RARB: variants seen among roughly 807,000 people sequenced by gnomAD.
RARB encodes retinoic acid receptor beta, also known as HBV-activated protein.
A neutral mutation model predicts 51.9 loss-of-function variants in RARB; 17 were observed. The ratio of observed to expected loss-of-function variants is 0.33; its 90% CI spans 0.22 to 0.49. RARB has a LOEUF of 0.49. RARB is among the 20% of genes least tolerant of loss of function. The pLI is 0.99. For missense variants in RARB, 369 were observed against 550.8 expected, an observed-to-expected ratio of 0.67 and a Z score of 3.30; for synonymous variants, 215 against 195.4, an observed-to-expected ratio of 1.10 and a Z score of -0.84.
At chr3:25,023,916 G>A (rs1188045897) in intron 2 of RARB, among the ~76,000 whole-genome samples, 2 of 152,190 alleles carry the variant, frequency 1.3e-5, no homozygotes, top group Non-Finnish European at 1.5e-5. Context: ...GAGTGTGACT[G>A]TGTGTGTATG....
At chr3:25,430,199 T>C (rs2125514766) in intron 1 of RARB, among the ~76,000 whole-genome samples, 1 of 152,290 alleles carries the variant, frequency 6.6e-6, no homozygotes, top group East Asian at 1.9e-4. Context: ...GCAAAAAGAA[T>C]ATCGTTTTCA....
At chr3:24,944,604 G>T (rs1695736012) in intron 2 of RARB, among the ~76,000 whole-genome samples, 1 of 152,166 alleles carries the variant, frequency 6.6e-6, no homozygotes, top group Non-Finnish European at 1.5e-5. Flanking sequence ...CAGTCATATA[G>T]AGTGTGGATT....
At chr3:24,911,072 C>T (rs1218712932) in intron 2 of RARB, among the ~76,000 whole-genome samples, 1 of 152,144 alleles carries the variant, frequency 6.6e-6, no homozygotes, top group Non-Finnish European at 1.5e-5. Context: ...TTTATGACAC[C>T]TCTGCTTCAT....
chr3:25,097,226 G>C (rs1033857665), intron 3 of RARB, among the ~76,000 whole-genome samples: 1 of 152,114 alleles, frequency 6.6e-6, no homozygotes, highest in African/African-American at 2.4e-5. Context: ...CGGTGCACTG[G>C]ACCGCTTCTT....
At chr3:25,406,356 C>T (rs1275956953) in intron 5 of RARB, among the ~76,000 whole-genome samples, 2 of 152,304 alleles carry the variant, frequency 1.3e-5, no homozygotes, top group Admixed American at 6.5e-5. Flanking sequence ...TAACAAAATT[C>T]CACAGACTGG....
intron 4 of RARB, among the ~76,000 whole-genome samples, chr3:25,575,605 T>C (rs1351310388): frequency 6.6e-6 from 1 of 152,160 alleles, no homozygotes; most frequent in Non-Finnish European, 1.5e-5. Flanking sequence ...TCCTCCGTCT[T>C]CTCATGGTCA....
At chr3:25,425,603 G>C (rs1007015444), upstream of RARB, among the ~76,000 whole-genome samples, 5 of 152,140 alleles carry the variant, frequency 3.3e-5, no homozygotes, top group African/African-American at 1.2e-4. Flanking sequence ...TTTCTCAGTT[G>C]AGAACTTCAA....
intron 2 of RARB, among the ~76,000 whole-genome samples, chr3:25,020,980 T>A (rs1275335279): frequency 6.6e-6 from 1 of 152,090 alleles, no homozygotes; most frequent in African/African-American, 2.4e-5. Context: ...AATAAATAAA[T>A]AAATAAATAT....
intron 5 of RARB, among the ~76,000 whole-genome samples, chr3:25,590,266 A>C (rs192666019): frequency 3.3e-5 from 5 of 152,348 alleles, no homozygotes; most frequent in Admixed American, 1.3e-4. Context: ...ATAGTTAGAA[A>C]CATTTGAGGG....
At position 25,589,161 on chromosome 3, in the gene RARB, G is replaced by T. The variant is rs145120731; in HGVS notation, c.787-4342G>T. Among the ~76,000 whole-genome samples the T allele has an allele frequency of 3.3e-3, 505 of 152,360 alleles. 7 individuals are homozygous for T. The highest frequency in any genetic ancestry group is 0.012 in the African/African-American group (482 of 41,586). On this transcript the variant is annotated intron_variant, in intron 5 of 7. Transcript: ENST00000330688. ...AGGAAGCATTTTCACTGAGGCTTTA[G>T]AGGAGGTGACATTTAAGCTGAACTC... is the stretch of plus-strand genomic sequence containing the variant.
chr3:25,392,328 C>G (rs1249564717), intron 5 of RARB, among the ~76,000 whole-genome samples: 1 of 152,078 alleles, frequency 6.6e-6, no homozygotes, highest in Non-Finnish European at 1.5e-5. Flanking sequence ...AATGTGATGC[C>G]TCCAGATTTG....
chr3:25,079,857 T>C (rs1160040251), intron 3 of RARB, among the ~76,000 whole-genome samples: 4 of 152,206 alleles, frequency 2.6e-5, no homozygotes, highest in Non-Finnish European at 5.9e-5. Context: ...TGTTTAGTTT[T>C]CTTAACAGGA....
At chr3:24,924,865 G>A (rs1348304356) in intron 2 of RARB, among the ~76,000 whole-genome samples, 1 of 152,094 alleles carries the variant, frequency 6.6e-6, no homozygotes, top group Admixed American at 6.6e-5. Context: ...GTGCTGTAAA[G>A]AGCATAGATG....
chr3:25,568,742 T>C (rs1252382799), intron 3 of RARB, among the ~76,000 whole-genome samples: 1 of 152,184 alleles, frequency 6.6e-6, no homozygotes, highest in African/African-American at 2.4e-5. Context: ...GATTCCCAGG[T>C]CACAGTGGTG....
chr3:25,296,040 A>G (rs1703907815), intron 5 of RARB, among the ~76,000 whole-genome samples: 1 of 152,244 alleles, frequency 6.6e-6, no homozygotes, highest in African/African-American at 2.4e-5. Flanking sequence ...TTAGAGACTT[A>G]GGATCTAGTT....
chr3:25,059,267 T>C (rs1243778979), intron 2 of RARB, among the ~76,000 whole-genome samples: 1 of 151,794 alleles, frequency 6.6e-6, no homozygotes, highest in Admixed American at 6.6e-5. Context: ...TTATAAATAC[T>C]TGGATGCCTA....
intron 5 of RARB, among the ~76,000 whole-genome samples, chr3:25,372,853 C>A (rs1157728357): frequency 1.3e-5 from 2 of 152,018 alleles, no homozygotes; most frequent in Admixed American, 6.6e-5. Flanking sequence ...AAAACGTAAA[C>A]TTAAAAAATT....
intron 5 of RARB, among the ~76,000 whole-genome samples, chr3:25,360,553 C>T (rs2200243): frequency 0.032 from 4,923 of 152,194 alleles, 263 homozygotes; most frequent in African/African-American, 0.11. Context: ...TTACTTGATG[C>T]GGTTTCTTAA....
chr3:25,247,736 G>C (rs932410005), intron 5 of RARB, among the ~76,000 whole-genome samples: 4 of 152,224 alleles, frequency 2.6e-5, no homozygotes, highest in African/African-American at 9.6e-5. Context: ...TGGCCTGGCT[G>C]GGAGCTGCAG....
Sources: gnomAD v4.1 joint callset for allele counts (sites outside exome capture counted in the v4.1 genomes callset) on GRCh38, gnomAD v4.1.1 for gene constraint, MANE v1.5 for transcripts, NCBI Gene and HGNC (gene_info 2026-07-23, HGNC 2026-07-21) for gene names.